The following STXBP5L variants were observed in gnomAD, a reference collection of about 807,000 sequenced individuals.
STXBP5L encodes syntaxin-binding protein 5-like.
In STXBP5L, 65 loss-of-function variants were observed where a neutral mutation model predicts 144.5. The observed-to-expected ratio is 0.45, with a 90% CI of 0.37 to 0.55. STXBP5L has a LOEUF of 0.55. Ranked by LOEUF, STXBP5L falls within the 20% of genes least tolerant of loss-of-function variation. The probability of loss-of-function intolerance (pLI) is 0.00; values close to 1 mark genes in which losing one functional copy is unlikely to be tolerated. For missense variants in STXBP5L, 1,298 were observed against 1,405.5 expected (o/e 0.92, Z 1.22); for synonymous variants, 505 against 469.6 (o/e 1.08, Z -0.97).
intron 9 of STXBP5L, among the ~76,000 whole-genome samples, chr3:121,201,730 A>G (rs1239969392): frequency 6.6e-6 from 1 of 151,962 alleles, no homozygotes; most frequent in Non-Finnish European, 1.5e-5. Context: ...ATATCCCTCA[A>G]CATTTGCCTT....
At chr3:121,063,568 A>T (rs539639398) in intron 5 of STXBP5L, among the ~76,000 whole-genome samples, 15 of 152,210 alleles carry the variant, frequency 9.9e-5, no homozygotes, top group African/African-American at 2.9e-4. Context: ...AGGAATGTTT[A>T]AGTCTGCTGA....
intron 20 of STXBP5L, among the ~76,000 whole-genome samples, chr3:121,350,479 GT>G (rs1159148804): frequency 6.6e-6 from 1 of 152,100 alleles, no homozygotes; most frequent in Non-Finnish European, 1.5e-5. Flanking sequence ...GGTGTTCTCT[GT>G]ATTTCTTGAA....
At chr3:121,069,495 C>T (rs550062965) in intron 5 of STXBP5L, among the ~76,000 whole-genome samples, 22 of 151,940 alleles carry the variant, frequency 1.4e-4, no homozygotes, top group African/African-American at 4.6e-4. Flanking sequence ...TTTCGTCTCT[C>T]GGTGTAATTT....
chr3:121,248,411 TC>T (rs1419078535), intron 14 of STXBP5L, among the ~76,000 whole-genome samples: 4 of 152,184 alleles, frequency 2.6e-5, no homozygotes, highest in African/African-American at 9.7e-5. Context: ...TGGCATTTTT[TC>T]ATGTTTGTTG....
chr3:121,379,775 A>G (rs560766398), intron 21 of STXBP5L, among the ~76,000 whole-genome samples: 9 of 152,280 alleles, frequency 5.9e-5, no homozygotes, highest in African/African-American at 2.2e-4. Context: ...GAGCCATATA[A>G]TATCTAGCAT....
intron 20 of STXBP5L, among the ~76,000 whole-genome samples, chr3:121,372,079 G>C (rs1173844890): frequency 6.6e-6 from 1 of 152,200 alleles, no homozygotes; most frequent in Non-Finnish European, 1.5e-5. Context: ...GCTGCTGTTG[G>C]GGGAGGACTC....
chr3:121,362,188 G>T (rs1489345887), intron 20 of STXBP5L, among the ~76,000 whole-genome samples: 1 of 152,342 alleles, frequency 6.6e-6, no homozygotes, highest in African/African-American at 2.4e-5. Flanking sequence ...TGGGGGTGAA[G>T]TGACACCCTT....
chr3:120,991,961 TA>T (rs924732067), intron 3 of STXBP5L, among the ~76,000 whole-genome samples: 29 of 152,168 alleles, frequency 1.9e-4, no homozygotes, highest in African/African-American at 5.5e-4. Flanking sequence ...TAAAGTATAA[TA>T]AAAAAAATCC....
intron 19 of STXBP5L, among the ~76,000 whole-genome samples, chr3:121,301,758 G>A (rs545886135): frequency 2.1e-4 from 32 of 152,224 alleles, no homozygotes; most frequent in Middle Eastern, 3.4e-3. Flanking sequence ...AGCATGAAGC[G>A]TTGTTGAATT....
At chr3:121,094,919 C>T (rs1321403988) in intron 5 of STXBP5L, among the ~76,000 whole-genome samples, 2 of 151,912 alleles carry the variant, frequency 1.3e-5, no homozygotes, top group Non-Finnish European at 2.9e-5. Flanking sequence ...ACTGGTTGTT[C>T]CTCTCCATGT....
intron 3 of STXBP5L, among the ~76,000 whole-genome samples, chr3:121,038,046 T>G (rs1438960700): frequency 6.6e-6 from 1 of 152,034 alleles, no homozygotes. Flanking sequence ...TTTACCTTGA[T>G]CACTCTGGCG....
chr3:121,211,488 G>T (rs756415410), intron 10 of STXBP5L, among the ~76,000 whole-genome samples: 3 of 151,856 alleles, frequency 2.0e-5, no homozygotes, highest in Admixed American at 6.6e-5. Context: ...GTGAGAGAGG[G>T]CATCCCTGTC....
intron 5 of STXBP5L, among the ~76,000 whole-genome samples, chr3:121,061,466 G>A (rs1395244145): frequency 6.6e-6 from 1 of 152,206 alleles, no homozygotes; most frequent in Admixed American, 6.5e-5. Flanking sequence ...GGGGTGGAGA[G>A]TTCTGTAGAT....
intron 9 of STXBP5L, among the ~76,000 whole-genome samples, chr3:121,195,011 G>A (rs371912952): frequency 1.4e-5 from 2 of 141,480 alleles, no homozygotes; most frequent in African/African-American, 2.6e-5. Context: ...CGCCTCCTAC[G>A]TTCAAGTGAT....
intron 3 of STXBP5L, among the ~76,000 whole-genome samples, chr3:120,995,960 T>C (rs138403431): frequency 2.3e-4 from 35 of 152,246 alleles, no homozygotes; most frequent in Non-Finnish European, 4.7e-4. Flanking sequence ...CAAATTATCT[T>C]AGTTTTTCTT....
At chr3:121,344,515 G>A (rs1010965667) in intron 20 of STXBP5L, among the ~76,000 whole-genome samples, 1 of 151,972 alleles carries the variant, frequency 6.6e-6, no homozygotes, top group Non-Finnish European at 1.5e-5. Flanking sequence ...GAGAGGCCAT[G>A]GTTAAAGGAC....
intron 9 of STXBP5L, among the ~76,000 whole-genome samples, chr3:121,191,395 C>G (rs935004133): frequency 1.3e-5 from 2 of 152,174 alleles, no homozygotes; most frequent in Non-Finnish European, 2.9e-5. Flanking sequence ...GAAAACCAGT[C>G]AGGCGTGGAG....
At chr3:121,370,261 G>C (rs990535251) in intron 20 of STXBP5L, among the ~76,000 whole-genome samples, 2 of 152,144 alleles carry the variant, frequency 1.3e-5, no homozygotes, top group Non-Finnish European at 2.9e-5. Context: ...CCAGCTACTT[G>C]GGAGGCTGAG....
intron 18 of STXBP5L, among the ~76,000 whole-genome samples, chr3:121,272,405 A>G (rs1253282506): frequency 1.3e-5 from 2 of 152,080 alleles, no homozygotes; most frequent in Admixed American, 1.3e-4. Context: ...ACAGTTTTTA[A>G]CTTAAAGTCT....
Sources: allele counts gnomAD v4.1 joint callset (sites outside exome capture counted in the v4.1 genomes callset), GRCh38; gene constraint gnomAD v4.1.1; transcripts MANE v1.5; gene names NCBI Gene and HGNC (gene_info 2026-07-23, HGNC 2026-07-21).